NTM: variants seen among roughly 807,000 people sequenced by gnomAD.
NTM encodes IgLON family member 2.
A neutral mutation model predicts 42.1 loss-of-function variants in NTM; 13 were observed. That is an observed-to-expected ratio of 0.31 (90% CI 0.20 to 0.49). The LOEUF (loss-of-function observed/expected upper bound fraction) is 0.49. NTM is among the 20% of genes least tolerant of loss of function. The pLI is 0.99. For missense variants in NTM, 373 were observed against 452.8 expected, an observed-to-expected ratio of 0.82 and a Z score of 1.60; for synonymous variants, 187 against 179.2, an observed-to-expected ratio of 1.04 and a Z score of -0.35.
chr11:131,728,194 C>A (rs1030722759), intron 1 of NTM, among the ~76,000 whole-genome samples: 1 of 152,198 alleles, frequency 6.6e-6, no homozygotes, highest in South Asian at 2.1e-4. Context: ...CACCATCTAC[C>A]TGGAGATAGA....
chr11:132,271,599 G>A (rs372648068), intron 4 of NTM, among the ~76,000 whole-genome samples: 99 of 152,214 alleles, frequency 6.5e-4, no homozygotes, highest in African/African-American at 1.6e-3. Context: ...TAGTGGGGTG[G>A]AAGTGTGATC....
In NTM at chr11:131,651,704, G is replaced by A. The variant is rs143651290; in HGVS notation, c.83-259860G>A. Among the ~76,000 whole-genome samples the A allele has an allele frequency of 4.4e-3, 671 of 152,212 alleles. 6 individuals are homozygous for A. The highest frequency in any genetic ancestry group is 0.015 in the African/African-American group (638 of 41,506). The stretch of plus-strand genomic sequence containing the variant: ...AAAAATACAAAAATTAGCTGGGCAT[G>A]GTGGCCCACTCCTGTACTCCCAGCT... On this transcript the variant is annotated intron_variant, in intron 1 of 8. Coordinates refer to ENST00000683400, the MANE Select transcript of NTM (RefSeq NM_001352005.2).
rs1555127949 is a variant in NTM, at chr11:131,789,636, A to AGAAGAGAAG, written c.83-121928_83-121927insGAAGAGAAG. ...AAGAAGAAGAAGAAGAAGAAGAAGAAAAGAAGAAGAAGAAGAAGAAGAAGA... is the reference window on the plus strand; with the variant it reads ...AAGAAGAAGAAGAAGAAGAAGAAGAAGAAGAGAAGAAGAAGAAGAAGAAGAAGAAGAAGA... On this transcript the variant is annotated intron_variant, in intron 1 of 8. Coordinates refer to ENST00000683400, the MANE Select transcript of NTM (RefSeq NM_001352005.2). 1.3e-4 allele frequency among the ~76,000 whole-genome samples: 4 copies of AGAAGAGAAG among 30,900 alleles called. 1 individual carries two copies. Among genetic ancestry groups the AGAAGAGAAG allele is most frequent in the African/African-American group, 3.6e-4 (3 of 8,276 alleles). The allele number at this position is 30,900 out of a possible 152,430, so 20.3% of individuals were successfully genotyped here.
At chr11:131,940,520 C>T (rs1565785654) in intron 2 of NTM, among the ~76,000 whole-genome samples, 1 of 152,230 alleles carries the variant, frequency 6.6e-6, no homozygotes, top group South Asian at 2.1e-4. Flanking sequence ...GTACATATGA[C>T]TGCCTGTCTT....
At chr11:131,893,578 G>A (rs764975126) in intron 1 of NTM, among the ~76,000 whole-genome samples, 3 of 152,178 alleles carry the variant, frequency 2.0e-5, no homozygotes, top group East Asian at 1.9e-4. Context: ...GCACCAGCTC[G>A]GGGCTGAGTG....
At chr11:132,253,513 A>G (rs535816291) in intron 4 of NTM, among the ~76,000 whole-genome samples, 2 of 152,360 alleles carry the variant, frequency 1.3e-5, no homozygotes, top group East Asian at 1.9e-4. Context: ...GTCTAGTTAC[A>G]TACAAGGACC....
chr11:132,209,276 G>A (rs992030397), intron 3 of NTM, among the ~76,000 whole-genome samples: 2 of 152,164 alleles, frequency 1.3e-5, no homozygotes, highest in Non-Finnish European at 2.9e-5. Flanking sequence ...ACCATAAATG[G>A]CATTGTTACA....
chr11:131,774,884 G>A (rs754118420), intron 1 of NTM, among the ~76,000 whole-genome samples: 10 of 152,304 alleles, frequency 6.6e-5, no homozygotes, highest in Non-Finnish European at 1.2e-4. Context: ...ATTCTGTAAT[G>A]TCTCATGAGA....
intron 2 of NTM, among the ~76,000 whole-genome samples, chr11:131,953,954 C>T (rs1252081998): frequency 6.6e-6 from 1 of 150,610 alleles, no homozygotes; most frequent in East Asian, 1.9e-4. Flanking sequence ...TCTTTCCCTC[C>T]TTAGCCACTA....
intron 3 of NTM, among the ~76,000 whole-genome samples, chr11:132,200,767 T>C (rs1247236187): frequency 1.3e-5 from 2 of 152,188 alleles, no homozygotes; most frequent in African/African-American, 4.8e-5. Context: ...TCTATCTGGT[T>C]GACCTCCATT....
At chr11:132,036,885 A>C (rs117047428) in intron 2 of NTM, among the ~76,000 whole-genome samples, 7 of 152,236 alleles carry the variant, frequency 4.6e-5, no homozygotes, top group African/African-American at 7.2e-5. Flanking sequence ...GTGTCTTGCT[A>C]TTAGAAAGTG....
At chr11:131,677,643 G>T (rs1412514695) in intron 1 of NTM, among the ~76,000 whole-genome samples, 4 of 152,188 alleles carry the variant, frequency 2.6e-5, no homozygotes, top group Non-Finnish European at 5.9e-5. Context: ...TTTACTGAGG[G>T]TCAAGCGCTT....
chr11:131,898,439 G>T (rs1424758804), intron 1 of NTM, among the ~76,000 whole-genome samples: 2 of 152,166 alleles, frequency 1.3e-5, no homozygotes, highest in African/African-American at 4.8e-5. Context: ...GAGATCGAGT[G>T]ATTATAAATA....
chr11:132,077,248 G>A (rs1972401), intron 2 of NTM, among the ~76,000 whole-genome samples: 41,221 of 152,130 alleles, frequency 0.27, 5,941 homozygotes, highest in African/African-American at 0.35. Flanking sequence ...AAAGACATCT[G>A]TTGATAACAG....
chr11:132,010,053 C>T (rs1382067970), intron 2 of NTM, among the ~76,000 whole-genome samples: 1 of 152,172 alleles, frequency 6.6e-6, no homozygotes, highest in African/African-American at 2.4e-5. Context: ...TCTTAAGTCA[C>T]TAGATTGTAG....
intron 1 of NTM, among the ~76,000 whole-genome samples, chr11:131,620,496 C>A (rs1388084161): frequency 6.6e-6 from 1 of 152,194 alleles, no homozygotes; most frequent in East Asian, 1.9e-4. Context: ...CATCCCACAT[C>A]CTGGCTGGCC....
At chr11:131,915,647 G>T (rs2056193139) in intron 2 of NTM, among the ~76,000 whole-genome samples, 1 of 152,262 alleles carries the variant, frequency 6.6e-6, no homozygotes, top group Non-Finnish European at 1.5e-5. Flanking sequence ...CCAAGACTGG[G>T]TAATTTATAG....
At chr11:131,758,919 C>T (rs770322331) in intron 1 of NTM, among the ~76,000 whole-genome samples, 45 of 152,146 alleles carry the variant, frequency 3.0e-4, no homozygotes, top group Non-Finnish European at 5.0e-4. Flanking sequence ...AAGCCTGTAC[C>T]GGCCTAGATG....
chr11:131,541,800 GA>G (rs973080749), intron 1 of NTM, among the ~76,000 whole-genome samples: 6 of 152,184 alleles, frequency 3.9e-5, no homozygotes, highest in Admixed American at 3.9e-4. Context: ...ACATATTTAA[GA>G]CTTTGTGTTG....
Sources: allele counts gnomAD v4.1 joint callset (sites outside exome capture counted in the v4.1 genomes callset), GRCh38; gene constraint gnomAD v4.1.1; transcripts MANE v1.5; gene names NCBI Gene and HGNC (gene_info 2026-07-23, HGNC 2026-07-21).